Variants in PACRG observed in about 807,000 individuals in gnomAD.
PACRG encodes the protein parkin coregulated, also known as parkin coregulated gene protein.
Under a neutral mutation model 29.7 loss-of-function variants are expected in PACRG, and 29 were observed. The observed-to-expected ratio is 0.98, with a 90% CI of 0.73 to 1.33. PACRG has a LOEUF of 1.33. Among genes scored for constraint, PACRG ranks in the 40% most tolerant of loss-of-function variants. The pLI, the probability that PACRG is intolerant of heterozygous loss-of-function variation, is 0.00. For synonymous variants in PACRG, 116 were observed against 118.7 expected (o/e 0.98, Z 0.15); for missense variants, 279 against 316.2 (o/e 0.88, Z 0.89).
At chr6:162,956,874 G>A (rs898605808) in intron 2 of PACRG, among the ~76,000 whole-genome samples, 33 of 152,146 alleles carry the variant, frequency 2.2e-4, no homozygotes, top group African/African-American at 6.3e-4. Flanking sequence ...TTCTGGAGGG[G>A]AGGGACACAG....
intron 2 of PACRG, among the ~76,000 whole-genome samples, chr6:162,866,010 T>A (rs1792269129): frequency 6.6e-6 from 1 of 152,152 alleles, no homozygotes; most frequent in Non-Finnish European, 1.5e-5. Context: ...ATTACAGAAA[T>A]ATTAAATATG....
chr6:162,981,295 A>G lies in PACRG; in HGVS notation c.292-80855A>G, dbSNP rs550172442. Reference sequence around the variant, plus strand: ...ATATATTTTTATGTATAAAACATATATATATATATATTTACAATGGCAAAA... The same window carrying G: ...ATATATTTTTATGTATAAAACATATGTATATATATATTTACAATGGCAAAA... On this transcript the variant is annotated intron_variant, in intron 2 of 4. Coordinates refer to ENST00000366888, the MANE Select transcript of PACRG (RefSeq NM_001080379.2). Among the ~76,000 whole-genome samples, 52 of 147,054 alleles carry G rather than the reference A, an allele frequency of 3.5e-4. No homozygotes were observed. The South Asian group carries it at 0.011, about 31-fold the overall frequency.
At chr6:162,928,890 TA>T (rs1797645468) in intron 2 of PACRG, among the ~76,000 whole-genome samples, 1 of 152,070 alleles carries the variant, frequency 6.6e-6, no homozygotes, top group Non-Finnish European at 1.5e-5. Context: ...GTGCATGGCA[TA>T]TATTACTTAA....
At chr6:163,271,432 G>A (rs4576224) in intron 4 of PACRG, among the ~76,000 whole-genome samples, 97,909 of 151,958 alleles carry the variant, frequency 0.64, 31,550 homozygotes, top group Middle Eastern at 0.69. Context: ...CATTGCTTCT[G>A]GAAATTGAGC....
chr6:162,983,898 C>A (rs1051405425), intron 2 of PACRG, among the ~76,000 whole-genome samples: 1 of 151,974 alleles, frequency 6.6e-6, no homozygotes, highest in Non-Finnish European at 1.5e-5. Context: ...CCCTCAAATA[C>A]GTTTTCCAAG....
intron 4 of PACRG, among the ~76,000 whole-genome samples, chr6:163,227,233 G>A (rs768449955): frequency 1.7e-4 from 26 of 152,130 alleles, no homozygotes; most frequent in Non-Finnish European, 3.5e-4. Flanking sequence ...GATAGAGGGC[G>A]AAGTAGGAGC....
At chr6:162,847,641 A>C (rs1378081840) in intron 2 of PACRG, among the ~76,000 whole-genome samples, 1 of 151,792 alleles carries the variant, frequency 6.6e-6, no homozygotes, top group African/African-American at 2.4e-5. Flanking sequence ...TAAAAAGGGC[A>C]GGAAGGAAGC....
chr6:163,067,148 G>A (rs538664272), intron 3 of PACRG, among the ~76,000 whole-genome samples: 2 of 152,172 alleles, frequency 1.3e-5, no homozygotes, highest in East Asian at 1.9e-4. Flanking sequence ...CTGTAGCACC[G>A]CTTCCCAAGC....
At chr6:163,054,686 C>A (rs1810381369) in intron 2 of PACRG, among the ~76,000 whole-genome samples, 1 of 152,120 alleles carries the variant, frequency 6.6e-6, no homozygotes, top group African/African-American at 2.4e-5. Flanking sequence ...CAGGGACTCT[C>A]GCTAAGCCAG....
intron 2 of PACRG, among the ~76,000 whole-genome samples, chr6:162,873,713 T>C (rs1002303425): frequency 3.3e-5 from 5 of 152,128 alleles, no homozygotes; most frequent in African/African-American, 9.7e-5. Context: ...AAAGATTCCT[T>C]TGGAAACTAG....
chr6:162,872,591 A>G (rs1333769491), intron 2 of PACRG, among the ~76,000 whole-genome samples: 1 of 152,208 alleles, frequency 6.6e-6, no homozygotes, highest in African/African-American at 2.4e-5. Flanking sequence ...AGAAATTAGA[A>G]ACTTCCCTAA....
At chr6:163,000,743 A>G (rs1482418520) in intron 2 of PACRG, among the ~76,000 whole-genome samples, 1 of 152,170 alleles carries the variant, frequency 6.6e-6, no homozygotes, top group African/African-American at 2.4e-5. Context: ...TATCTATCTG[A>G]GGCTTGATAT....
In PACRG at chr6:163,085,501, C is replaced by T. The variant is rs56677270; in HGVS notation, c.464-3758C>T. Among the ~76,000 whole-genome samples, 32 of 152,316 alleles carry T rather than the reference C, an allele frequency of 2.1e-4. No homozygotes were observed. In the East Asian group the frequency reaches 5.0e-3, roughly 24 times the overall value. On this transcript the variant is annotated intron_variant, in intron 3 of 4. Coordinates refer to ENST00000366888, the MANE Select transcript of PACRG (RefSeq NM_001080379.2). The stretch of plus-strand genomic sequence containing the variant: ...TATGCACCTCCATACTCCTCTCCAG[C>T]ACTTCCAAACGATCCCAAGAAAGAC...
At chr6:162,763,234 G>C (rs1017548449) in intron 1 of PACRG, among the ~76,000 whole-genome samples, 1 of 152,128 alleles carries the variant, frequency 6.6e-6, no homozygotes, top group African/African-American at 2.4e-5. Flanking sequence ...ATGTTATTAT[G>C]GACCTGAGAT....
chr6:162,924,193 G>T (rs767622582), intron 2 of PACRG, among the ~76,000 whole-genome samples: 5 of 151,806 alleles, frequency 3.3e-5, no homozygotes, highest in Non-Finnish European at 7.4e-5. Flanking sequence ...CAGTTAGTTT[G>T]TTTTTAAGTG....
chr6:162,750,410 G>A (rs888499099), intron 1 of PACRG, among the ~76,000 whole-genome samples: 3 of 152,108 alleles, frequency 2.0e-5, no homozygotes, highest in African/African-American at 7.2e-5. Context: ...ATTATTCTAG[G>A]ATCATAAGTT....
intron 1 of PACRG, among the ~76,000 whole-genome samples, chr6:162,752,505 A>G (rs1261056511): frequency 6.6e-6 from 1 of 152,184 alleles, no homozygotes; most frequent in East Asian, 1.9e-4. Flanking sequence ...GGACAAATGC[A>G]GAAAATTATC....
intron 3 of PACRG, 59 bp downstream of exon 3, chr6:163,062,380 T>C: frequency 2.7e-6 from 4 of 1,506,242 alleles, no homozygotes; most frequent in Non-Finnish European, 3.6e-6. Context: ...TTTGACAACT[T>C]GCTAATTAAG....
intron 2 of PACRG, among the ~76,000 whole-genome samples, chr6:162,967,789 T>C (rs996999269): frequency 6.6e-6 from 1 of 152,152 alleles, no homozygotes; most frequent in African/African-American, 2.4e-5. Context: ...TTGAACTTTC[T>C]CTTTTTTAAT....
Sources: gnomAD v4.1 joint callset for allele counts (sites outside exome capture counted in the v4.1 genomes callset) on GRCh38, gnomAD v4.1.1 for gene constraint, MANE v1.5 for transcripts, NCBI Gene and HGNC (gene_info 2026-07-23, HGNC 2026-07-21) for gene names.